Variants in GSPT1 observed in about 807,000 individuals in gnomAD.
GSPT1 encodes G1 to S phase transition 1.
In GSPT1, 20 loss-of-function variants were observed where a neutral mutation model predicts 72.5. The ratio of observed to expected loss-of-function variants is 0.28; its 90% CI spans 0.19 to 0.40. The LOEUF (loss-of-function observed/expected upper bound fraction) is 0.40. Ranked by LOEUF, GSPT1 falls within the 10% of genes least tolerant of loss-of-function variation. The pLI is 1.00. For synonymous variants in GSPT1, 334 were observed against 293.5 expected, an observed-to-expected ratio of 1.14 and a Z score of -1.41; for missense variants, 580 against 811.9, an observed-to-expected ratio of 0.71 and a Z score of 3.47.
At position 11,877,916 on chromosome 16, in the gene GSPT1, TTTA is replaced by T. The variant is rs1172293334; in HGVS notation, c.1429-339_1429-337del. 6.6e-6 allele frequency among the ~76,000 whole-genome samples: 1 copy of T among 152,218 alleles called. No homozygotes were observed. Among genetic ancestry groups the T allele is most frequent in the African/African-American group, 2.4e-5 (1 of 41,452 alleles). On this transcript the variant is annotated intron_variant, in intron 11 of 14. Transcript: ENST00000434724. This position sits in a 1 kb window ranked among gnomAD's most constrained non-coding sequence, Gnocchi z 4.0. Reference sequence around the variant, plus strand: ...GGATTTCAGTTTTATGGATATAATTTTTATTATTATGGAATTCTATGAAGGATT... The same window carrying T: ...GGATTTCAGTTTTATGGATATAATTTTTATTATGGAATTCTATGAAGGATT...
chr16:11,902,314 G>A (rs1332467715), intron 1 of GSPT1, among the ~76,000 whole-genome samples: 1 of 142,614 alleles, frequency 7.0e-6, no homozygotes, highest in Non-Finnish European at 1.5e-5. Context: ...CCCGGGAGGT[G>A]GAGCTGGCAG....
intron 1 of GSPT1, among the ~76,000 whole-genome samples, chr16:11,905,712 G>T (rs1233500659): frequency 6.6e-6 from 1 of 152,158 alleles, no homozygotes; most frequent in Non-Finnish European, 1.5e-5. Context: ...GCACACACCT[G>T]TAATCCCAGC....
intron 1 of GSPT1, among the ~76,000 whole-genome samples, chr16:11,911,624 C>A (rs2054557888): frequency 1.4e-5 from 2 of 145,890 alleles, no homozygotes; most frequent in African/African-American, 5.1e-5. Context: ...GTGATCTCGG[C>A]TCACTGCAAC....
At chr16:11,878,493 T>C (rs2054075603) in intron 11 of GSPT1, among the ~76,000 whole-genome samples, 1 of 151,402 alleles carries the variant, frequency 6.6e-6, no homozygotes, top group Non-Finnish European at 1.5e-5. Context: ...CTTGGAAGGC[T>C]GAGGCATGAG....
In GSPT1 at chr16:11,915,512, T is replaced by G. The variant is rs1037837993; in HGVS notation, c.209A>C (p.Asn70Thr). 1 of 1,539,196 alleles carries G rather than the reference T, an allele frequency of 6.5e-7. No homozygotes were observed. The highest frequency in any genetic ancestry group is 1.4e-5 in the African/African-American group (1 of 69,620). Residue 70 changes from asparagine to threonine, a missense_variant, in exon 1 of 15, where the codon AAC becomes ACC. Coordinates refer to ENST00000434724, the MANE Select transcript of GSPT1 (RefSeq NM_002094.4). The stretch of plus-strand genomic sequence containing the variant: ...GGGCACGAAGGGCTTGGCGTTGACG[T>G]TGAGTTGCCGGCTGAAGGCCGCGCT... ...NLSAAFSRQL[N>T]VNAKPFVPNV...
upstream of GSPT1, among the ~76,000 whole-genome samples, chr16:11,916,315 G>A (rs1036428071): frequency 3.9e-5 from 6 of 152,232 alleles, no homozygotes; most frequent in Non-Finnish European, 8.8e-5. Context: ...GCAGCTCTGT[G>A]CTGGGCCGAA....
intron 11 of GSPT1, among the ~76,000 whole-genome samples, chr16:11,880,844 C>T (rs1340278030): frequency 3.9e-5 from 6 of 152,174 alleles, no homozygotes; most frequent in Non-Finnish European, 8.8e-5. Flanking sequence ...CAAATGTTTT[C>T]TCTCATTCCG....
rs181073525 is a variant in GSPT1, at chr16:11,868,261, A to G, written c.*4858T>C. 6.6e-6 allele frequency: 1 copy of G among 152,144 alleles called. No individual in the cohort carries two copies. Among genetic ancestry groups the G allele is most frequent in the East Asian group, 1.9e-4 (1 of 5,198 alleles). 9.4% of individuals were successfully genotyped at this position (152,144 alleles called of 1,614,324 possible). ...AGTCAGGCACAGTAGGTAGCTACAA[A>G]TCGTAAGAAAAAGCTTTCTTTCCTA... On this transcript the variant is annotated 3_prime_UTR_variant, in exon 15 of 15. Coordinates refer to ENST00000434724, the MANE Select transcript of GSPT1 (RefSeq NM_002094.4).
At chr16:11,883,823 G>C (rs2054154613) in intron 10 of GSPT1, among the ~76,000 whole-genome samples, 1 of 151,304 alleles carries the variant, frequency 6.6e-6, no homozygotes, top group Admixed American at 6.6e-5. Context: ...TGAGGCATGA[G>C]AATCGCTTGA....
At chr16:11,889,386 G>T (rs1301698004) in intron 6 of GSPT1, among the ~76,000 whole-genome samples, 6 of 118,258 alleles carry the variant, frequency 5.1e-5, no homozygotes, top group African/African-American at 2.0e-4. Flanking sequence ...TGGCCAGGTT[G>T]GAGTGCAGTG....
At chr16:11,914,930 G>A (rs2054610800) in intron 1 of GSPT1, 2 of 1,008,744 alleles carry the variant, frequency 2.0e-6, no homozygotes, top group Middle Eastern at 2.4e-4. Context: ...CTGGGCCTAA[G>A]GTGAAAGGAA....
intron 1 of GSPT1, among the ~76,000 whole-genome samples, chr16:11,909,136 T>C (rs954217244): frequency 6.6e-6 from 1 of 152,012 alleles, no homozygotes; most frequent in African/African-American, 2.4e-5. Flanking sequence ...CTAGTGGGAA[T>C]GTGGTTTGGA....
At position 11,877,533 on chromosome 16, in the gene GSPT1, A is replaced by T; in HGVS notation, c.1476T>A (p.Asp492Glu). 1 of 1,611,226 alleles carries T rather than the reference A, an allele frequency of 6.2e-7. No individual in the cohort carries two copies. The highest frequency in any genetic ancestry group is 8.5e-7 in the Non-Finnish European group (1 of 1,178,060). The change falls in exon 12 of 15, where the codon GAT becomes GAA. Residue 492 changes from aspartate (D) to glutamate (E), a missense_variant. By Grantham distance (45) the Asp-to-Glu change is conservative (BLOSUM62 2). Around this residue, in one of 6 missense-constraint regions of GSPT1, gnomAD observed 120 missense variants for 242.5 expected, o/e 0.49. Transcript: ENST00000434724. The surrounding 1 kb of genome is among the most constrained non-coding windows in gnomAD (Gnocchi z 4.0). Reference sequence around the variant, plus strand: ...TGAGGTTTTCACCTGGGGCTACGGTATCAGTCTCTACATCATCGGAAAGTA... The same window carrying T: ...TGAGGTTTTCACCTGGGGCTACGGTTTCAGTCTCTACATCATCGGAAAGTA... ...LGILSDDVET[D>E]TVAPGENLKI...
chr16:11,901,186 T>C (rs2054401674), intron 1 of GSPT1, among the ~76,000 whole-genome samples: 1 of 152,004 alleles, frequency 6.6e-6, no homozygotes, highest in South Asian at 2.1e-4. Flanking sequence ...GATATATTTC[T>C]ACCCTATCTT....
At chr16:11,896,405 C>A (rs550925095) in intron 4 of GSPT1, among the ~76,000 whole-genome samples, 153 bp downstream of exon 4, 1 of 152,260 alleles carries the variant, frequency 6.6e-6, no homozygotes, top group Non-Finnish European at 1.5e-5. Context: ...AAAGTACTTG[C>A]AATTTTTTGC....
At chr16:11,892,516 A>AAAAATAAT (rs1045805116) in intron 5 of GSPT1, among the ~76,000 whole-genome samples, 7,099 of 140,692 alleles carry the variant, frequency 0.05, 593 homozygotes, top group African/African-American at 0.14. Flanking sequence ...CAAAAAAACA[A>AAAAATAAT]AAAAAACAAA....
chr16:11,909,672 C>T (rs934734953), intron 1 of GSPT1, among the ~76,000 whole-genome samples: 1 of 152,174 alleles, frequency 6.6e-6, no homozygotes, highest in Non-Finnish European at 1.5e-5. Context: ...CGCCTGTAAT[C>T]CCAGCATTTT....
intron 6 of GSPT1, 25 bp downstream of exon 6, chr16:11,891,037 T>G (rs1596465083): frequency 9.8e-7 from 1 of 1,020,418 alleles, no homozygotes; most frequent in South Asian, 1.5e-5. Flanking sequence ...AAGTAATTTA[T>G]AAGTGTCATA....
chr16:11,911,336 G>A (rs1214531468), intron 1 of GSPT1, among the ~76,000 whole-genome samples: 1 of 152,144 alleles, frequency 6.6e-6, no homozygotes, highest in Non-Finnish European at 1.5e-5. Flanking sequence ...CTGCCAAGTG[G>A]TGATGGTTGC....
Sources: gnomAD v4.1 joint callset for allele counts (sites outside exome capture counted in the v4.1 genomes callset) on GRCh38, gnomAD v4.1.1 for gene constraint, gnomAD v4.1.1 regional missense constraint, Gnocchi (gnomAD v3.1) non-coding constraint, MANE v1.5 for transcripts, NCBI Gene and HGNC (gene_info 2026-07-23, HGNC 2026-07-21) for gene names.